SLC1A2: variants seen among roughly 807,000 people sequenced by gnomAD.
SLC1A2 encodes the protein excitatory amino acid transporter 2.
Under a neutral mutation model 48.8 loss-of-function variants are expected in SLC1A2, and 15 were observed. The observed-to-expected ratio is 0.31, with a 90% CI of 0.21 to 0.47. The LOEUF (loss-of-function observed/expected upper bound fraction) is 0.47. Among genes scored for constraint, SLC1A2 ranks in the 20% least tolerant of loss-of-function variants. The pLI, the probability that SLC1A2 is intolerant of heterozygous loss-of-function variation, is 0.99. For synonymous variants in SLC1A2, 279 were observed against 272.6 expected, an observed-to-expected ratio of 1.02 and a Z score of -0.23; for missense variants, 502 against 730.5, an observed-to-expected ratio of 0.69 and a Z score of 3.61.
At chr11:35,273,769 G>C (rs1176507574) in intron 9 of SLC1A2, among the ~76,000 whole-genome samples, 1 of 152,210 alleles carries the variant, frequency 6.6e-6, no homozygotes, top group African/African-American at 2.4e-5. Flanking sequence ...GGGGAGAATG[G>C]GGAGGCTGGT....
chr11:35,340,582 C>T (rs1029900296), intron 1 of SLC1A2, among the ~76,000 whole-genome samples: 9 of 152,184 alleles, frequency 5.9e-5, no homozygotes, highest in African/African-American at 2.2e-4. Context: ...TCACTTTAGT[C>T]CCTGAGAGCT....
chr11:35,332,140 T>C (rs1347964269), intron 1 of SLC1A2, among the ~76,000 whole-genome samples: 1 of 152,156 alleles, frequency 6.6e-6, no homozygotes, highest in African/African-American at 2.4e-5. Flanking sequence ...AACTAATGTT[T>C]AGTGACCTTG....
rs1173878478 is a variant in SLC1A2, at chr11:35,390,416, A to G, written c.17+28534T>C. ...TTTAAAATTTGATTTTTTTTAAGTA[A>G]GTTGCTTTCTTGACCCACTAAATTG... On this transcript the variant is annotated intron_variant, in intron 1 of 10. Transcript: ENST00000278379. Among the ~76,000 whole-genome samples, 3 of 152,052 alleles carry G rather than the reference A, an allele frequency of 2.0e-5. No individual in the cohort carries two copies. In the East Asian group the frequency reaches 5.8e-4, roughly 29 times the overall value.
At chr11:35,380,265 C>A (rs1233917336) in intron 1 of SLC1A2, 1 of 397,932 alleles carries the variant, frequency 2.5e-6, no homozygotes, top group Non-Finnish European at 4.4e-6. Context: ...CATAAGAACA[C>A]CCTGATGCTC....
At position 35,368,371 on chromosome 11, in the gene SLC1A2, G is replaced by A. The variant is rs181041713; in HGVS notation, c.17+50579C>T. 2.1e-3 allele frequency among the ~76,000 whole-genome samples: 319 copies of A among 152,274 alleles called. 12 individuals carry two copies. The highest frequency in any genetic ancestry group is 0.017 in the Middle Eastern group (5 of 294). On this transcript the variant is annotated intron_variant, in intron 1 of 10. Coordinates refer to ENST00000278379, the MANE Select transcript of SLC1A2 (RefSeq NM_004171.4). ...TGGAAAAGTCACTAAACCTCCCTGA[G>A]CTTCTCTTTCCTGGTCTGCAAAATG...
At chr11:35,289,586 A>G (rs1850930874) in intron 7 of SLC1A2, among the ~76,000 whole-genome samples, 2 of 152,206 alleles carry the variant, frequency 1.3e-5, no homozygotes, top group Non-Finnish European at 2.9e-5. Context: ...ACCTTGTCTT[A>G]TAAAGTTACT....
intron 1 of SLC1A2, among the ~76,000 whole-genome samples, chr11:35,319,102 T>C (rs2134914707): frequency 6.6e-6 from 1 of 152,322 alleles, no homozygotes; most frequent in East Asian, 1.9e-4. Context: ...CTGACATATG[T>C]GTGCAATAAC....
rs1168946638 is a variant in SLC1A2, at chr11:35,254,555, C to T, written c.*6339G>A. ...GCAAAGGCAACAGGCTGTTTCCAGG[C>T]AGGCAAAATGGTTGCCATGAGAAGA... On this transcript the variant is annotated 3_prime_UTR_variant, in exon 11 of 11. Transcript: ENST00000278379. 3.4e-6 allele frequency: 1 copy of T among 290,484 alleles called. No homozygotes were observed. The highest frequency in any genetic ancestry group is 1.0e-4 in the East Asian group (1 of 10,008). The allele number at this position is 290,484 out of a possible 1,614,324, so 18.0% of individuals were successfully genotyped here.
intron 8 of SLC1A2, among the ~76,000 whole-genome samples, chr11:35,284,808 GAT>G (rs1850759199): frequency 6.6e-6 from 1 of 152,196 alleles, no homozygotes; most frequent in South Asian, 2.1e-4. Flanking sequence ...TAGAGGACAT[GAT>G]TAGAGCAAAT....
At chr11:35,385,479 C>T (rs574420461) in intron 1 of SLC1A2, among the ~76,000 whole-genome samples, 8 of 152,294 alleles carry the variant, frequency 5.3e-5, no homozygotes, top group African/African-American at 1.4e-4. Context: ...TTTTGCCTCC[C>T]ATTCTCCCTA....
Position 35,306,215 on chromosome 11 carries a change from C to T in SLC1A2, c.589G>A (p.Val197Ile). Residue 197 changes from valine (V) to isoleucine (I), a missense_variant, in exon 5 of 11, where the codon GTT becomes ATT. Physicochemically the swap from Val to Ile is conservative, Grantham distance 29. This residue lies in a region of SLC1A2 where 309 missense variants were observed against 480.3 expected (regional missense o/e 0.64). Coordinates refer to ENST00000278379, the MANE Select transcript of SLC1A2 (RefSeq NM_004171.4). ...QIQTVTKKVL[V>I]APPPDEEANA... ...GCCTCCTCGTCCGGCGGTGGTGCAA[C>T]CAGGACTTTCTTCGTCACTGTTTGA... 4 of 1,613,628 alleles carry T rather than the reference C, an allele frequency of 2.5e-6. No homozygotes were observed. In the South Asian group the frequency reaches 3.3e-5, roughly 13 times the overall value.
chr11:35,292,375 T>C lies in SLC1A2; in HGVS notation c.1003A>G (p.Ile335Val). The part of the protein sequence containing the change: ...IIHGGIFLPL[I>V]YFVVTRKNPF... ...TTTTTCCTGGTCACTACAAAGTAAA[T>C]CAAGGGGAGAAAGATGCCCCCGTGG... The change falls in exon 7 of 11, where the codon ATT becomes GTT. Residue 335 changes from isoleucine (I) to valine (V), a missense_variant. Ile to Val is a conservative substitution (Grantham distance 29, BLOSUM62 3). Coordinates refer to ENST00000278379, the MANE Select transcript of SLC1A2 (RefSeq NM_004171.4). 6.2e-7 allele frequency: 1 copy of C among 1,613,968 alleles called. No individual in the cohort carries two copies. Among genetic ancestry groups the C allele is most frequent in the Non-Finnish European group, 8.5e-7 (1 of 1,179,932 alleles).
intron 1 of SLC1A2, among the ~76,000 whole-genome samples, chr11:35,318,901 G>A (rs918435357): frequency 3.3e-5 from 5 of 152,090 alleles, no homozygotes; most frequent in African/African-American, 1.2e-4. Context: ...GTTAAGACCT[G>A]GAACCCAAAT....
At chr11:35,340,240 G>C (rs892406925) in intron 1 of SLC1A2, among the ~76,000 whole-genome samples, 1 of 152,170 alleles carries the variant, frequency 6.6e-6, no homozygotes, top group African/African-American at 2.4e-5. Context: ...GAGGTAAAGG[G>C]CAAAGGGTGA....
At chr11:35,358,047 A>G (rs1853545427) in intron 1 of SLC1A2, among the ~76,000 whole-genome samples, 1 of 152,112 alleles carries the variant, frequency 6.6e-6, no homozygotes, top group Admixed American at 6.6e-5. Context: ...TGGGAGGCTA[A>G]GGCAGTAGAA....
intron 1 of SLC1A2, among the ~76,000 whole-genome samples, chr11:35,410,979 A>G (rs1855442473): frequency 6.6e-6 from 1 of 152,190 alleles, no homozygotes; most frequent in African/African-American, 2.4e-5. Context: ...GTGTATCAAT[A>G]CCTGTGAAAA....
At chr11:35,330,697 G>A (rs931928135) in intron 1 of SLC1A2, among the ~76,000 whole-genome samples, 3 of 152,156 alleles carry the variant, frequency 2.0e-5, no homozygotes, top group African/African-American at 7.2e-5. Flanking sequence ...AAGAACTGAA[G>A]GATGGCAGCA....
intron 6 of SLC1A2, among the ~76,000 whole-genome samples, chr11:35,292,779 A>G (rs1851052817): frequency 6.6e-6 from 1 of 152,198 alleles, no homozygotes; most frequent in African/African-American, 2.4e-5. Context: ...GGAATAAAGG[A>G]GAGACATGCA....
At chr11:35,310,618 A>G (rs533280430) in intron 4 of SLC1A2, among the ~76,000 whole-genome samples, 7 of 152,364 alleles carry the variant, frequency 4.6e-5, no homozygotes, top group African/African-American at 1.7e-4. Context: ...TCTTCTAAGC[A>G]AACTGTTTCC....
Sources: gnomAD v4.1 joint callset for allele counts (sites outside exome capture counted in the v4.1 genomes callset) on GRCh38, gnomAD v4.1.1 for gene constraint, gnomAD v4.1.1 regional missense constraint, MANE v1.5 for transcripts, NCBI Gene and HGNC (gene_info 2026-07-23, HGNC 2026-07-21) for gene names.